STPG2: variants seen among roughly 807,000 people sequenced by gnomAD.
STPG2 encodes the protein sperm tail PG-rich repeat containing 2, also known as sperm-tail PG-rich repeat-containing protein 2.
In STPG2, 56 loss-of-function variants were observed where a neutral mutation model predicts 54.2. The observed-to-expected ratio is 1.03, with a 90% confidence interval of 0.83 to 1.29. The LOEUF is 1.29. Among genes scored for constraint, STPG2 ranks in the 50% most tolerant of loss-of-function variants. STPG2 has a pLI of 0.00. For synonymous variants in STPG2, 200 were observed against 181.8 expected (o/e 1.10, Z -0.81); for missense variants, 596 against 544.9 (o/e 1.09, Z -0.93).
downstream of STPG2, among the ~76,000 whole-genome samples, chr4:97,558,092 C>T (rs998407903): frequency 6.6e-6 from 1 of 152,128 alleles, no homozygotes; most frequent in Non-Finnish European, 1.5e-5. Context: ...ATATCTGTGC[C>T]TAATACATCC....
chr4:97,951,488 G>T (rs1193509308), intron 7 of STPG2, among the ~76,000 whole-genome samples: 1 of 151,888 alleles, frequency 6.6e-6, no homozygotes, highest in East Asian at 1.9e-4. Flanking sequence ...TTATTTGACT[G>T]TGTTTTTTTT....
intron 8 of STPG2, among the ~76,000 whole-genome samples, chr4:97,900,937 T>A (rs1325583300): frequency 1.3e-5 from 2 of 151,458 alleles, no homozygotes; most frequent in Non-Finnish European, 3.0e-5. Flanking sequence ...AAAGTTTTTT[T>A]AAAACATAAG....
intron 7 of STPG2, among the ~76,000 whole-genome samples, chr4:97,963,572 T>C (rs1184835898): frequency 6.6e-6 from 1 of 151,916 alleles, no homozygotes; most frequent in African/African-American, 2.4e-5. Flanking sequence ...GGAGGATCAC[T>C]TGAACCCAGG....
At chr4:97,729,098 A>T (rs1174316135) in intron 9 of STPG2, among the ~76,000 whole-genome samples, 6 of 56,352 alleles carry the variant, frequency 1.1e-4, no homozygotes, top group South Asian at 1.2e-3. Context: ...TCTCTCTCTC[A>T]GGGCTCACTG....
intron 9 of STPG2, among the ~76,000 whole-genome samples, chr4:97,726,168 T>C (rs1724619268): frequency 6.6e-6 from 1 of 151,816 alleles, no homozygotes; most frequent in Non-Finnish European, 1.5e-5. Context: ...GGTTGAAACT[T>C]TGGATAAAAT....
intron 10 of STPG2, among the ~76,000 whole-genome samples, chr4:97,569,523 C>T (rs1055387469): frequency 2.0e-5 from 3 of 151,702 alleles, no homozygotes; most frequent in Admixed American, 6.6e-5. Context: ...GGAATCGCCT[C>T]GATTCAAAGG....
chr4:97,443,251 C>G (rs141898800), intron 4 of STPG2, among the ~76,000 whole-genome samples: 1 of 151,966 alleles, frequency 6.6e-6, no homozygotes, highest in Non-Finnish European at 1.5e-5. Context: ...AGCCACAAGG[C>G]GGATAAAAAC....
intron 1 of STPG2, among the ~76,000 whole-genome samples, chr4:98,139,803 T>C (rs1443270776): frequency 6.6e-6 from 1 of 152,224 alleles, no homozygotes; most frequent in African/African-American, 2.4e-5. Flanking sequence ...TCCTTACTTC[T>C]CTCTAAGCAA....
intron 5 of STPG2, among the ~76,000 whole-genome samples, chr4:98,018,291 G>T (rs13150658): frequency 0.39 from 59,658 of 151,606 alleles, 11,928 homozygotes; most frequent in Middle Eastern, 0.47. Flanking sequence ...CCTTGTGATA[G>T]TTTGCTGAGA....
At chr4:97,650,184 G>A (rs182129877) in intron 10 of STPG2, among the ~76,000 whole-genome samples, 41 of 152,256 alleles carry the variant, frequency 2.7e-4, no homozygotes, top group Middle Eastern at 3.4e-3. Context: ...TACAGATGAA[G>A]CTTTGCTCAC....
At chr4:97,823,547 T>C (rs902326678) in intron 9 of STPG2, among the ~76,000 whole-genome samples, 1 of 152,220 alleles carries the variant, frequency 6.6e-6, no homozygotes, top group Non-Finnish European at 1.5e-5. Context: ...GTAGCCATTC[T>C]TTATTCCTTT....
chr4:97,711,082 A>C (rs1724101170), intron 10 of STPG2, among the ~76,000 whole-genome samples: 5 of 152,040 alleles, frequency 3.3e-5, no homozygotes, highest in Admixed American at 3.3e-4. Flanking sequence ...TACTAGAAAG[A>C]CTAGTGGGAA....
chr4:97,899,390 A>T (rs1731087588), intron 8 of STPG2, among the ~76,000 whole-genome samples: 1 of 152,058 alleles, frequency 6.6e-6, no homozygotes, highest in Admixed American at 6.6e-5. Context: ...TAAAATGGCC[A>T]TACTGCCCAA....
intron 9 of STPG2, among the ~76,000 whole-genome samples, chr4:97,830,085 G>A (rs1012927990): frequency 1.3e-5 from 2 of 151,972 alleles, no homozygotes; most frequent in Non-Finnish European, 2.9e-5. Context: ...GATTCACCAA[G>A]GATGACATGA....
At chr4:97,748,113 A>G (rs2149043456) in intron 9 of STPG2, among the ~76,000 whole-genome samples, 1 of 151,594 alleles carries the variant, frequency 6.6e-6, no homozygotes, top group South Asian at 2.1e-4. Flanking sequence ...TAAAGGCCTC[A>G]GGACATAATT....
At chr4:97,799,982 G>A (rs1727330069) in intron 9 of STPG2, among the ~76,000 whole-genome samples, 2 of 152,122 alleles carry the variant, frequency 1.3e-5, no homozygotes, top group Admixed American at 1.3e-4. Flanking sequence ...ATCGGCTGCT[G>A]AAGCTTGTGA....
At chr4:97,779,574 C>T (rs985385455) in intron 9 of STPG2, among the ~76,000 whole-genome samples, 1 of 152,132 alleles carries the variant, frequency 6.6e-6, no homozygotes, top group Non-Finnish European at 1.5e-5. Context: ...TCAGGACATA[C>T]AGAGACCACC....
intron 4 of STPG2, among the ~76,000 whole-genome samples, chr4:97,455,517 G>A (rs556816610): frequency 7.2e-5 from 11 of 152,176 alleles, no homozygotes. Context: ...TTTTGCCAGG[G>A]TGGTCAGAGG....
At chr4:98,027,591 A>G (rs1031035606) in intron 5 of STPG2, among the ~76,000 whole-genome samples, 2 of 152,234 alleles carry the variant, frequency 1.3e-5, no homozygotes, top group Non-Finnish European at 2.9e-5. Context: ...ACAAGATGGA[A>G]TAAGTGTAGA....
Sources: gnomAD v4.1 joint callset for allele counts (sites outside exome capture counted in the v4.1 genomes callset) on GRCh38, gnomAD v4.1.1 for gene constraint, MANE v1.5 for transcripts, NCBI Gene and HGNC (gene_info 2026-07-23, HGNC 2026-07-21) for gene names.